TMEM163: variants seen among roughly 807,000 people sequenced by gnomAD.
TMEM163 encodes transmembrane protein 163.
A neutral mutation model predicts 29.3 loss-of-function variants in TMEM163; 17 were observed. That is an observed-to-expected ratio of 0.58 (90% CI 0.40 to 0.87). The LOEUF (loss-of-function observed/expected upper bound fraction) is 0.87, where lower values mean the gene tolerates loss of function less well. Among genes scored for constraint, TMEM163 ranks in the 40% least tolerant of loss-of-function variants. TMEM163 has a pLI of 0.00. For synonymous variants in TMEM163, 157 were observed against 160.6 expected (o/e 0.98, Z 0.17); for missense variants, 303 against 381.5 (o/e 0.79, Z 1.71).
chr2:134,651,772 G>GT, intron 2 of TMEM163, among the ~76,000 whole-genome samples: 1 of 112,868 alleles, frequency 8.9e-6, no homozygotes, highest in Admixed American at 9.0e-5. Flanking sequence ...TGGCTAGCCA[G>GT]TTTTCCCAGC....
intron 2 of TMEM163, among the ~76,000 whole-genome samples, chr2:134,663,028 C>T (rs1683790348): frequency 6.6e-6 from 1 of 152,208 alleles, no homozygotes; most frequent in African/African-American, 2.4e-5. Context: ...GCGTGGGAGT[C>T]TTGAGTTGGG....
chr2:134,709,069 T>C (rs550710938), intron 2 of TMEM163, among the ~76,000 whole-genome samples: 23 of 152,110 alleles, frequency 1.5e-4, no homozygotes, highest in African/African-American at 5.5e-4. Flanking sequence ...AAAAACAGAG[T>C]CAGAATGCAT....
intron 4 of TMEM163, among the ~76,000 whole-genome samples, chr2:134,537,622 C>A (rs1263317341): frequency 6.6e-6 from 1 of 152,190 alleles, no homozygotes; most frequent in Non-Finnish European, 1.5e-5. Flanking sequence ...TAATAGACAC[C>A]CAGACAAGGT....
intron 2 of TMEM163, among the ~76,000 whole-genome samples, chr2:134,576,902 C>A (rs989731932): frequency 2.0e-5 from 3 of 152,212 alleles, no homozygotes; most frequent in Admixed American, 2.0e-4. Flanking sequence ...TATCTACTCA[C>A]TGCTGAGATG....
chr2:134,510,068 C>G (rs930538697), intron 4 of TMEM163, among the ~76,000 whole-genome samples: 11 of 152,110 alleles, frequency 7.2e-5, no homozygotes, highest in Non-Finnish European at 5.9e-5. Flanking sequence ...CCTGTGTGTC[C>G]TGGAAGCTCC....
intron 5 of TMEM163, among the ~76,000 whole-genome samples, chr2:134,481,389 G>A (rs904039683): frequency 7.2e-6 from 1 of 139,242 alleles, no homozygotes; most frequent in African/African-American, 2.8e-5. Context: ...GGGGGGGGGG[G>A]AGCTTTTCCT....
intron 2 of TMEM163, among the ~76,000 whole-genome samples, chr2:134,586,530 C>T (rs1057044045): frequency 1.3e-5 from 2 of 152,326 alleles, no homozygotes; most frequent in South Asian, 4.1e-4. Flanking sequence ...GCATTAGGTC[C>T]CACCATACTC....
chr2:134,691,949 A>G (rs947002772), intron 2 of TMEM163, among the ~76,000 whole-genome samples: 1 of 152,198 alleles, frequency 6.6e-6, no homozygotes, highest in African/African-American at 2.4e-5. Flanking sequence ...GCTGCAGTGG[A>G]TATCTTTGCA....
chr2:134,623,758 A>G (rs1432614349), intron 2 of TMEM163, among the ~76,000 whole-genome samples: 1 of 152,116 alleles, frequency 6.6e-6, no homozygotes, highest in Non-Finnish European at 1.5e-5. Flanking sequence ...CAAGAGTGAA[A>G]CTCCATCTTA....
At chr2:134,679,011 C>T (rs1259923218) in intron 2 of TMEM163, among the ~76,000 whole-genome samples, 1 of 152,182 alleles carries the variant, frequency 6.6e-6, no homozygotes, top group Admixed American at 6.5e-5. Flanking sequence ...ACAGAGGTGA[C>T]AATCAACATA....
intron 2 of TMEM163, among the ~76,000 whole-genome samples, chr2:134,611,981 G>A (rs1682513142): frequency 2.0e-5 from 3 of 152,190 alleles, no homozygotes; most frequent in African/African-American, 7.2e-5. Flanking sequence ...CTCCCAACAG[G>A]GGAAGTGGAA....
chr2:134,699,671 A>AT (rs964309704), intron 2 of TMEM163, among the ~76,000 whole-genome samples: 1 of 152,088 alleles, frequency 6.6e-6, no homozygotes, highest in East Asian at 1.9e-4. Flanking sequence ...ATTTTCATGA[A>AT]TTTTTTTTCT....
intron 4 of TMEM163, among the ~76,000 whole-genome samples, chr2:134,510,468 C>T (rs1212495389): frequency 2.0e-5 from 3 of 152,030 alleles, no homozygotes; most frequent in Non-Finnish European, 2.9e-5. Flanking sequence ...AGGGTAAGAA[C>T]TAGAGGGAGG....
chr2:134,621,655 C>T (rs2104825274), intron 2 of TMEM163, among the ~76,000 whole-genome samples: 1 of 152,268 alleles, frequency 6.6e-6, no homozygotes, highest in South Asian at 2.1e-4. Flanking sequence ...CTTTGGGAGG[C>T]TGAGGCAGGC....
chr2:134,544,708 T>C (rs1427945183), intron 4 of TMEM163, among the ~76,000 whole-genome samples: 1 of 152,068 alleles, frequency 6.6e-6, no homozygotes, highest in Non-Finnish European at 1.5e-5. Flanking sequence ...GGCAGGAGAA[T>C]TGCTTGAACC....
At chr2:134,597,325 C>T (rs1335281161) in intron 2 of TMEM163, among the ~76,000 whole-genome samples, 1 of 152,046 alleles carries the variant, frequency 6.6e-6, no homozygotes, top group African/African-American at 2.4e-5. Flanking sequence ...TAGCATGAAG[C>T]ATTGTTGAAT....
At chr2:134,691,205 C>T (rs1684455976) in intron 2 of TMEM163, among the ~76,000 whole-genome samples, 1 of 152,324 alleles carries the variant, frequency 6.6e-6, no homozygotes, top group Admixed American at 6.5e-5. Context: ...CTGGTGAGTT[C>T]CAAGAACAAG....
chr2:134,458,595 T>C (rs1024964101), intron 6 of TMEM163: 13 of 178,860 alleles, frequency 7.3e-5, no homozygotes, highest in Middle Eastern at 2.7e-3. Context: ...AGATTCCGAG[T>C]TGGGTGTTCA....
chr2:134,701,198 A>G (rs1270794042), intron 2 of TMEM163, among the ~76,000 whole-genome samples: 1 of 152,038 alleles, frequency 6.6e-6, no homozygotes, highest in African/African-American at 2.4e-5. Context: ...AATTAGAAAG[A>G]AATCAGAGTG....
Sources: gnomAD v4.1 joint callset for allele counts (sites outside exome capture counted in the v4.1 genomes callset) on GRCh38, gnomAD v4.1.1 for gene constraint, MANE v1.5 for transcripts, NCBI Gene and HGNC (gene_info 2026-07-23, HGNC 2026-07-21) for gene names.